Variants in OPCML observed in about 807,000 individuals in gnomAD.
OPCML encodes the protein opioid-binding protein/cell adhesion molecule.
A neutral mutation model predicts 37.8 loss-of-function variants in OPCML; 13 were observed. The observed-to-expected ratio is 0.34, with a 90% confidence interval of 0.22 to 0.55. The LOEUF (loss-of-function observed/expected upper bound fraction) is 0.55. OPCML is among the 20% of genes least tolerant of loss of function. The pLI, the probability that OPCML is intolerant of heterozygous loss-of-function variation, is 0.91. For synonymous variants in OPCML, 176 were observed against 168.8 expected (o/e 1.04, Z -0.33); for missense variants, 341 against 435.6 (o/e 0.78, Z 1.93).
At chr11:132,711,922 G>T (rs1944277867) in intron 2 of OPCML, among the ~76,000 whole-genome samples, 1 of 152,174 alleles carries the variant, frequency 6.6e-6, no homozygotes, top group Non-Finnish European at 1.5e-5. Flanking sequence ...AACTTAAGGA[G>T]CAAATATTCA....
chr11:132,719,015 C>T (rs2135972947), intron 2 of OPCML, among the ~76,000 whole-genome samples: 1 of 152,286 alleles, frequency 6.6e-6, no homozygotes, highest in South Asian at 2.1e-4. Context: ...AGGTGATCTC[C>T]CAGAGAACTG....
At chr11:132,638,186 T>TATATATATATATATATAC (rs71067383) in intron 3 of OPCML, among the ~76,000 whole-genome samples, 2,898 of 130,456 alleles carry the variant, frequency 0.022, 69 homozygotes, top group Non-Finnish European at 0.029. Flanking sequence ...TATATATATA[T>TATATATATATATATATAC]ACAGAGAGAG....
In OPCML at chr11:132,627,188, G is replaced by T. The variant is rs115186582; in HGVS notation, c.379+29899C>A. 9.7e-3 allele frequency among the ~76,000 whole-genome samples: 1,476 copies of T among 152,030 alleles called. 22 individuals carry two copies. Among genetic ancestry groups the T allele is most frequent in the African/African-American group, 0.034 (1,394 of 41,464 alleles). On this transcript the variant is annotated intron_variant, in intron 3 of 7. Coordinates refer to ENST00000524381, the MANE Select transcript of OPCML (RefSeq NM_001012393.5). ...CAGAAAAACTATGTATATATTGAAA[G>T]AATCATTATGAAAGTGATATGAATT... is the stretch of plus-strand genomic sequence containing the variant.
At chr11:132,846,861 G>A (rs2136317761) in intron 2 of OPCML, among the ~76,000 whole-genome samples, 1 of 152,104 alleles carries the variant, frequency 6.6e-6, no homozygotes, top group East Asian at 1.9e-4. Context: ...CACTCACTTA[G>A]CTTCTACTTG....
chr11:132,518,052 A>G (rs576113159), intron 4 of OPCML, among the ~76,000 whole-genome samples: 3 of 152,162 alleles, frequency 2.0e-5, no homozygotes, highest in Non-Finnish European at 2.9e-5. Context: ...AATAAAGACA[A>G]AACTTTTTTA....
chr11:132,431,477 G>A (rs2095996719), intron 7 of OPCML, among the ~76,000 whole-genome samples: 1 of 152,218 alleles, frequency 6.6e-6, no homozygotes, highest in Admixed American at 6.5e-5. Flanking sequence ...ATATGGCTGT[G>A]AGTTGGCGCT....
intron 1 of OPCML, among the ~76,000 whole-genome samples, chr11:132,974,751 C>G (rs74432238): frequency 1.3e-5 from 2 of 152,026 alleles, no homozygotes; most frequent in Admixed American, 6.6e-5. Flanking sequence ...TTCAACTTCT[C>G]GAGACTTCTC....
At chr11:132,696,767 T>C (rs947893672) in intron 2 of OPCML, among the ~76,000 whole-genome samples, 5 of 151,884 alleles carry the variant, frequency 3.3e-5, no homozygotes, top group Admixed American at 1.3e-4. Flanking sequence ...CACATGAAGA[T>C]GTAGTCAACC....
chr11:133,145,490 G>T (rs2137176745), intron 1 of OPCML, among the ~76,000 whole-genome samples: 1 of 152,284 alleles, frequency 6.6e-6, no homozygotes, highest in South Asian at 2.1e-4. Flanking sequence ...AAAAAGTTGT[G>T]CTGGAAGGAA....
chr11:132,564,665 T>C (rs2096418238), intron 3 of OPCML, among the ~76,000 whole-genome samples: 1 of 152,122 alleles, frequency 6.6e-6, no homozygotes, highest in Non-Finnish European at 1.5e-5. Flanking sequence ...AGGCATTCAT[T>C]TACACTGCTC....
chr11:133,408,000 G>A (rs940659490), intron 1 of OPCML, among the ~76,000 whole-genome samples: 12 of 152,200 alleles, frequency 7.9e-5, no homozygotes, highest in East Asian at 7.7e-4. Flanking sequence ...GCAATTTGCC[G>A]TCCTAGAATG....
At chr11:133,199,645 G>A (rs1371495364) in intron 1 of OPCML, among the ~76,000 whole-genome samples, 1 of 152,158 alleles carries the variant, frequency 6.6e-6, no homozygotes, top group African/African-American at 2.4e-5. Context: ...TCCGCAAAAT[G>A]TGGAATATCC....
At chr11:133,139,959 G>T (rs954003402) in intron 1 of OPCML, among the ~76,000 whole-genome samples, 2 of 151,922 alleles carry the variant, frequency 1.3e-5, no homozygotes, top group African/African-American at 4.8e-5. Flanking sequence ...GGCCAAGATG[G>T]GCGAATCACC....
chr11:132,644,904 G>A (rs993354146), intron 3 of OPCML, among the ~76,000 whole-genome samples: 3 of 152,202 alleles, frequency 2.0e-5, no homozygotes, highest in Non-Finnish European at 2.9e-5. Flanking sequence ...CAGGGACAAA[G>A]AATCAATAAT....
At chr11:133,482,355 C>A (rs1177265507) in intron 1 of OPCML, among the ~76,000 whole-genome samples, 2 of 152,170 alleles carry the variant, frequency 1.3e-5, no homozygotes, top group Non-Finnish European at 2.9e-5. Context: ...GCGAGGTGTT[C>A]CTTGTTAGCA....
chr11:132,452,084 G>A (rs2096069708), intron 4 of OPCML, among the ~76,000 whole-genome samples: 1 of 152,086 alleles, frequency 6.6e-6, no homozygotes, highest in African/African-American at 2.4e-5. Flanking sequence ...CAAAGCTGTA[G>A]AAGAATGGAA....
chr11:133,463,659 A>G (rs970683185), intron 1 of OPCML, among the ~76,000 whole-genome samples: 3 of 152,266 alleles, frequency 2.0e-5, no homozygotes, highest in African/African-American at 4.8e-5. Flanking sequence ...AGCTCTCTCA[A>G]TAAACATCTT....
At chr11:132,563,563 T>C (rs1444936431) in intron 3 of OPCML, among the ~76,000 whole-genome samples, 2 of 151,916 alleles carry the variant, frequency 1.3e-5, no homozygotes, top group African/African-American at 4.8e-5. Flanking sequence ...GTACTAAATG[T>C]CACTATATTA....
chr11:132,999,073 C>A (rs995888571), intron 1 of OPCML, among the ~76,000 whole-genome samples: 5 of 152,164 alleles, frequency 3.3e-5, no homozygotes, highest in African/African-American at 1.2e-4. Context: ...CAACTAGCTG[C>A]AGGTTGCTAG....
Sources: gnomAD v4.1 joint callset for allele counts (sites outside exome capture counted in the v4.1 genomes callset) on GRCh38, gnomAD v4.1.1 for gene constraint, MANE v1.5 for transcripts, NCBI Gene and HGNC (gene_info 2026-07-23, HGNC 2026-07-21) for gene names.